BRD2: variants seen among roughly 807,000 people sequenced by gnomAD.
BRD2 encodes the protein bromodomain containing 2, also known as bromodomain-containing protein 2.
BRD2 carries 15 observed loss-of-function variants against 79.1 expected under a neutral mutation model. The observed-to-expected ratio is 0.19, with a 90% confidence interval of 0.13 to 0.29. The LOEUF (loss-of-function observed/expected upper bound fraction) is 0.29. Among genes scored for constraint, BRD2 ranks in the 10% least tolerant of loss-of-function variants. The probability of loss-of-function intolerance (pLI) is 1.00; values close to 1 mark genes in which losing one functional copy is unlikely to be tolerated. For missense variants in BRD2, 1,053 were observed against 991.3 expected (o/e 1.06, Z -0.84); for synonymous variants, 488 against 358.6 (o/e 1.36, Z -4.08).
Position 32,974,635 on chromosome 6 carries a change from A to G in BRD2, c.203A>G (p.Asn68Ser), listed in dbSNP as rs769905170. 2 of 1,614,110 alleles carry G rather than the reference A, an allele frequency of 1.2e-6. No individual in the cohort carries two copies. Among genetic ancestry groups the G allele is most frequent in the East Asian group, 2.2e-5 (1 of 44,900 alleles). Residue 68 changes from asparagine to serine, a missense_variant, in exon 3 of 13, where the codon AAT (asparagine) becomes AGT (serine). This residue lies in a region of BRD2 where 413 missense variants were observed against 335.1 expected (regional missense o/e 1.23). Coordinates refer to ENST00000374825, the MANE Select transcript of BRD2 (RefSeq NM_005104.4). ...AACCCACCACCCCCGGAGGTGTCCA[A>G]TCCCAAAAAGCCAGGACGAGTTACC... ...PANPPPPEVS[N>S]PKKPGRVTNQ...
At position 32,980,115 on chromosome 6, in the gene BRD2, A is replaced by T; in HGVS notation, c.2129A>T (p.Lys710Ile). The T allele has an allele frequency of 1.2e-6, 2 of 1,612,166 alleles. No homozygotes were observed. The highest frequency in any genetic ancestry group is 1.7e-6 in the Non-Finnish European group (2 of 1,179,876). ...ERYVLSCLRKKPRKPYTIKKP... is the reference protein window; with the variant it reads ...ERYVLSCLRKIPRKPYTIKKP... ...TATGTCCTTTCCTGCCTACGTAAGA[A>T]ACCCCGGAAGCCCTACAGTACGTAT... Residue 710 changes from lysine (K) to isoleucine (I), a missense_variant, in exon 11 of 13, where the codon AAA (lysine) becomes ATA (isoleucine). Physicochemically the swap from Lys to Ile is moderately radical, Grantham distance 102. Transcript: ENST00000374825.
At chr6:32,975,569 T>A (rs768472794) in intron 4 of BRD2, 48 bp downstream of exon 4, 4 of 1,590,674 alleles carry the variant, frequency 2.5e-6, no homozygotes, top group Non-Finnish European at 3.4e-6. Context: ...AAACAGTAAC[T>A]TCTATTATTG....
chr6:32,979,645 A>G (rs1031136590), intron 10 of BRD2, 183 bp from the exon 11 acceptor site: 15 of 394,068 alleles, frequency 3.8e-5, no homozygotes, highest in Non-Finnish European at 6.0e-5. Flanking sequence ...GCCTACTTAC[A>G]GTCGAGCAAA....
chr6:32,977,824 C>A lies in BRD2; in HGVS notation c.1397C>A (p.Ser466Tyr), dbSNP rs771087576. ...CTAGAACCAGGGCCTTTACCAGTCT[C>A]TACTGCCATGCCCCCTGGCTTGGCC... Reference protein sequence around the residue: ...EPLEPGPLPVSTAMPPGLAKS... With the variant: ...EPLEPGPLPVYTAMPPGLAKS... The change falls in exon 9 of 13, where the codon TCT (serine) becomes TAT (tyrosine). Residue 466 changes from serine (S) to tyrosine (Y), a missense_variant. Transcript: ENST00000374825. The A allele has an allele frequency of 6.2e-7, 1 of 1,613,118 alleles. No homozygotes were observed. Among genetic ancestry groups the A allele is most frequent in the East Asian group, 2.2e-5 (1 of 44,878 alleles).
rs752011575 is a variant in BRD2 at position 32,975,534 on chromosome 6, G to A, written c.471+13G>A. 5.0e-6 allele frequency: 8 copies of A among 1,611,062 alleles called. No homozygotes were observed. In the South Asian group the frequency reaches 7.7e-5, roughly 16 times the overall value. ...CATTTACAACAAGGTGAGTTTTTCT[G>A]TGTGTTCATTTAGTAGGTGGGGAGA... On this transcript the variant is annotated intron_variant, in intron 4 of 12. Coordinates refer to ENST00000374825, the MANE Select transcript of BRD2 (RefSeq NM_005104.4).
chr6:32,978,318 AGTGGCAGTGGGG>A lies in BRD2; in HGVS notation c.1781_1792del (p.Gly594_Ser597del), dbSNP rs766495175. 35 of 1,612,960 alleles carry A rather than the reference AGTGGCAGTGGGG, an allele frequency of 2.2e-5. No individual in the cohort carries two copies. The highest frequency in any genetic ancestry group is 2.7e-5 in the African/African-American group (2 of 74,934). ...TCAACCTAAGAAGTCCAAGAAAGCAAGTGGCAGTGGGGGTGGCAGTGCTGCTTTAGGCCCTTC... is the reference window on the plus strand; with the variant it reads ...TCAACCTAAGAAGTCCAAGAAAGCAAGTGGCAGTGCTGCTTTAGGCCCTTC... On this transcript the variant is annotated inframe_deletion, in exon 10 of 13. Transcript: ENST00000374825.
intron 3 of BRD2, 115 bp from the exon 4 acceptor site, chr6:32,975,269 T>C: frequency 9.0e-7 from 1 of 1,108,702 alleles, no homozygotes. Context: ...TAACTGTTCC[T>C]TTGATGCATA....
chr6:32,978,591 T>C, intron 10 of BRD2: 1 of 818,468 alleles, frequency 1.2e-6, no homozygotes. Flanking sequence ...GGATGGTTTT[T>C]GGGATGAAAC....
chr6:32,976,488 G>A, intron 6 of BRD2, 24 bp downstream of exon 6: 1 of 1,604,642 alleles, frequency 6.2e-7, no homozygotes, highest in African/African-American at 1.3e-5. Flanking sequence ...ATTTCCTCTG[G>A]GCAGCAGGGA....
intron 2 of BRD2, 22 bp from the exon 3 acceptor site, chr6:32,974,440 A>G: frequency 6.3e-7 from 1 of 1,597,814 alleles, no homozygotes; most frequent in Non-Finnish European, 8.6e-7. Context: ...ATATTGCCCT[A>G]ATTTTGTTCC....
intron 3 of BRD2, 93 bp downstream of exon 3, chr6:32,974,858 A>G: frequency 6.8e-7 from 1 of 1,476,024 alleles, no homozygotes; most frequent in Non-Finnish European, 9.1e-7. Flanking sequence ...TGCGGCCCCT[A>G]GGGAGTTCCC....
chr6:32,970,853 C>T (rs1777879130), intron 1 of BRD2: 1 of 152,074 alleles, frequency 6.6e-6, no homozygotes, highest in Non-Finnish European at 1.5e-5. Flanking sequence ...TGCCCCTCCT[C>T]GGAGGCGGAC....
rs1177672447 is a variant in BRD2, at chr6:32,972,410, C to T, written c.-489C>T. 3.4e-6 allele frequency: 1 copy of T among 293,516 alleles called. No individual in the cohort carries two copies. Among genetic ancestry groups the T allele is most frequent in the African/African-American group, 2.2e-5 (1 of 44,528 alleles). The allele number at this position is 293,516 out of a possible 1,614,324, so 18.2% of individuals were successfully genotyped here. On this transcript the variant is annotated 5_prime_UTR_variant, in exon 2 of 13. Transcript: ENST00000374825. ...CCTTTTTCGGGCCCCGCCCAATCCTCGGAGTCTGTCCACCCCCTCTACTCC... is the reference window on the plus strand; with the variant it reads ...CCTTTTTCGGGCCCCGCCCAATCCTTGGAGTCTGTCCACCCCCTCTACTCC...
At position 32,978,126 on chromosome 6, in the gene BRD2, C is replaced by G. The variant is rs773521318; in HGVS notation, c.1579C>G (p.Leu527Val). 2 of 1,602,604 alleles carry G rather than the reference C, an allele frequency of 1.2e-6. No homozygotes were observed. Among genetic ancestry groups the G allele is most frequent in the African/African-American group, 2.7e-5 (2 of 73,720 alleles). Residue 527 changes from leucine to valine, a missense_variant and splice_region_variant, in exon 10 of 13, where the codon CTT (leucine) becomes GTT (valine). Around this residue, in one of 5 missense-constraint regions of BRD2, gnomAD observed 454 missense variants for 430.5 expected, o/e 1.05. Coordinates refer to ENST00000374825, the MANE Select transcript of BRD2 (RefSeq NM_005104.4). Reference sequence around the variant, plus strand: ...CCACTTCATGTTTTTTTTCCTTTAGCTTCGGGCAGTACATGAACAACTGGC... The same window carrying G: ...CCACTTCATGTTTTTTTTCCTTTAGGTTCGGGCAGTACATGAACAACTGGC... ...AHRLAELQEQ[L>V]RAVHEQLAAL...
intron 2 of BRD2, among the ~76,000 whole-genome samples, chr6:32,973,339 G>A (rs1778289326): frequency 6.6e-6 from 1 of 152,082 alleles, no homozygotes; most frequent in Admixed American, 6.6e-5. Context: ...AGCGCTTAAG[G>A]GACTGGCAAC....
chr6:32,977,167 A>G, intron 7 of BRD2: 1 of 1,350,034 alleles, frequency 7.4e-7, no homozygotes, highest in Non-Finnish European at 1.0e-6. Flanking sequence ...ATAATTAAGT[A>G]CTAATGTGGC....
At position 32,972,906 on chromosome 6, in the gene BRD2, A is replaced by T. The variant is rs1778214395; in HGVS notation, c.8A>T (p.Gln3Leu). Residue 3 changes from glutamine to leucine, a missense_variant, in exon 2 of 13, where the codon CAA (glutamine) becomes CTA (leucine). This residue lies in a region of BRD2 where 413 missense variants were observed against 335.1 expected (regional missense o/e 1.23). Coordinates refer to ENST00000374825, the MANE Select transcript of BRD2 (RefSeq NM_005104.4). ML[Q>L]NVTPHNKLPG... Reference sequence around the variant, plus strand: ...CGGTTCCTTGCGGTCAAGATGCTGCAAAACGTGACTCCCCACAATAAGTAC... The same window carrying T: ...CGGTTCCTTGCGGTCAAGATGCTGCTAAACGTGACTCCCCACAATAAGTAC... The T allele has an allele frequency of 6.2e-7, 1 of 1,613,986 alleles. No homozygotes were observed. Among genetic ancestry groups the T allele is most frequent in the African/African-American group, 1.3e-5 (1 of 74,942 alleles).
At position 32,972,870 on chromosome 6, in the gene BRD2, GA is replaced by G. The variant is rs1410341342; in HGVS notation, c.-28del. The stretch of plus-strand genomic sequence containing the variant: ...GAGGCCACCCGGACTTTCCGCGGCT[GA>G]GGGCAGCGCCGGTTCCTTGCGGTCA... On this transcript the variant is annotated 5_prime_UTR_variant, in exon 2 of 13. An upstream open reading frame in the 5' UTR loses its in-frame stop. Coordinates refer to ENST00000374825, the MANE Select transcript of BRD2 (RefSeq NM_005104.4). The G allele has an allele frequency of 3.1e-6, 5 of 1,613,906 alleles. No individual in the cohort carries two copies. Among genetic ancestry groups the G allele is most frequent in the Non-Finnish European group, 4.2e-6 (5 of 1,179,996 alleles).
Position 32,975,424 on chromosome 6 carries a change from C to G in BRD2, c.374C>G (p.Thr125Ser), listed in dbSNP as rs781755308. The change falls in exon 4 of 13, where the codon ACT (threonine) becomes AGT (serine). Residue 125 changes from threonine to serine, a missense_variant. Thr to Ser is a moderately conservative substitution (Grantham distance 58). Transcript: ENST00000374825. ...KIIKQPMDMG[T>S]IKRRLENNYY... Reference sequence around the variant, plus strand: ...ATAAAACAGCCTATGGACATGGGTACTATTAAGAGGAGACTTGAAAACAAT... The same window carrying G: ...ATAAAACAGCCTATGGACATGGGTAGTATTAAGAGGAGACTTGAAAACAAT... 6.2e-7 allele frequency: 1 copy of G among 1,610,260 alleles called. No individual in the cohort carries two copies. Among genetic ancestry groups the G allele is most frequent in the African/African-American group, 1.3e-5 (1 of 74,870 alleles).
Sources: gnomAD v4.1 joint callset for allele counts (sites outside exome capture counted in the v4.1 genomes callset) on GRCh38, gnomAD v4.1.1 for gene constraint, gnomAD v4.1.1 regional missense constraint, MANE v1.5 for transcripts, NCBI Gene and HGNC (gene_info 2026-07-23, HGNC 2026-07-21) for gene names.